The following MYH11 variants were observed in gnomAD, a reference collection of about 807,000 sequenced individuals.
MYH11 encodes the protein myosin heavy chain 11.
MYH11 carries 80 observed loss-of-function variants against 246.6 expected under a neutral mutation model. The observed-to-expected ratio is 0.32, with a 90% CI of 0.27 to 0.39. The LOEUF is 0.39. MYH11 is among the 10% of genes least tolerant of loss of function. The pLI, the probability that MYH11 is intolerant of heterozygous loss-of-function variation, is 1.00. For synonymous variants in MYH11, 1,071 were observed against 1,015.5 expected (o/e 1.05, Z -1.04); for missense variants, 2,158 against 2,546.8 (o/e 0.85, Z 3.29).
intron 27 of MYH11, among the ~76,000 whole-genome samples, chr16:15,728,073 G>T (rs181887030): frequency 1.3e-5 from 2 of 152,210 alleles, no homozygotes; most frequent in Admixed American, 1.3e-4. Flanking sequence ...TACTAAAAAT[G>T]GAAAAATTAG....
At chr16:15,803,424 G>A (rs529411787) in intron 3 of MYH11, among the ~76,000 whole-genome samples, 8 of 151,736 alleles carry the variant, frequency 5.3e-5, no homozygotes, top group East Asian at 2.0e-4. Flanking sequence ...CTACAGGTGC[G>A]TGCCACCACG....
chr16:15,711,229 G>C (rs2039775193), intron 40 of MYH11: 1 of 152,216 alleles, frequency 6.6e-6, no homozygotes, highest in South Asian at 2.1e-4. Flanking sequence ...CCAAACTCTA[G>C]AGGTGATTTC....
intron 3 of MYH11, among the ~76,000 whole-genome samples, chr16:15,820,389 G>A (rs558406111): frequency 9.9e-5 from 15 of 151,236 alleles, no homozygotes; most frequent in African/African-American, 3.4e-4. Flanking sequence ...CAGTAGAATC[G>A]CTTGAACCCA....
chr16:15,803,406 AG>A (rs2042934888), intron 3 of MYH11, among the ~76,000 whole-genome samples: 1 of 151,492 alleles, frequency 6.6e-6, no homozygotes, highest in Admixed American at 6.6e-5. Flanking sequence ...CCCCCCGAGT[AG>A]CTGGGACTAC....
At chr16:15,846,332 T>C (rs139696361) in intron 1 of MYH11, among the ~76,000 whole-genome samples, 2 of 152,238 alleles carry the variant, frequency 1.3e-5, no homozygotes, top group African/African-American at 4.8e-5. Context: ...AACACATCCT[T>C]GAGCAAAAGA....
intron 13 of MYH11, among the ~76,000 whole-genome samples, chr16:15,757,500 C>T (rs2041755201): frequency 1.2e-5 from 1 of 86,744 alleles, no homozygotes; most frequent in Non-Finnish European, 2.0e-5. Flanking sequence ...CAGAGTCAGA[C>T]CATGTCATAA....
At chr16:15,759,952 C>A (rs190859627) in intron 11 of MYH11, among the ~76,000 whole-genome samples, 1 of 152,240 alleles carries the variant, frequency 6.6e-6, no homozygotes, top group Non-Finnish European at 1.5e-5. Flanking sequence ...CAAAAATTAG[C>A]CAGGCGTTGT....
intron 5 of MYH11, chr16:15,785,006 TG>T: frequency 6.6e-6 from 2 of 303,590 alleles, no homozygotes; most frequent in East Asian, 5.5e-5. Context: ...CTAATTCTCT[TG>T]ATTTTTTTTT....
intron 4 of MYH11, among the ~76,000 whole-genome samples, chr16:15,796,095 T>C (rs1035658680): frequency 6.6e-6 from 1 of 152,142 alleles, no homozygotes; most frequent in African/African-American, 2.4e-5. Context: ...GACGGGACCC[T>C]GAACTAGGAA....
intron 40 of MYH11, among the ~76,000 whole-genome samples, chr16:15,707,332 C>T (rs191830391): frequency 1.3e-5 from 2 of 152,250 alleles, no homozygotes; most frequent in Admixed American, 1.3e-4. Context: ...CCTGGCCTAG[C>T]ATTTGGATTC....
chr16:15,747,324 A>G (rs932736416), intron 19 of MYH11, among the ~76,000 whole-genome samples: 14 of 152,152 alleles, frequency 9.2e-5, no homozygotes, highest in Admixed American at 4.6e-4. Context: ...AACTTGCCCA[A>G]GGTTCATCAG....
rs565008343 is a variant in MYH11 at position 15,716,755 on chromosome 16, C to A, written c.5504+385G>T. Reference sequence around the variant, plus strand: ...TCTCAAACTCCTGACCTCAAGTGATCCACCTGCCTCAGCCTCCCAAATTGC... The same window carrying A: ...TCTCAAACTCCTGACCTCAAGTGATACACCTGCCTCAGCCTCCCAAATTGC... On this transcript the variant is annotated intron_variant, in intron 38 of 40. Coordinates refer to ENST00000300036, the MANE Select transcript of MYH11 (RefSeq NM_002474.3). Among the ~76,000 whole-genome samples, 220 of 152,308 alleles carry A rather than the reference C, an allele frequency of 1.4e-3. 2 individuals are homozygous for A. Among genetic ancestry groups the A allele is most frequent in the Admixed American group, 5.0e-3 (77 of 15,300 alleles).
At position 15,834,716 on chromosome 16, in the gene MYH11, G is replaced by A. The variant is rs1336100661; in HGVS notation, c.345+3192C>T. On this transcript the variant is annotated intron_variant, in intron 2 of 40. Coordinates refer to ENST00000300036, the MANE Select transcript of MYH11 (RefSeq NM_002474.3). The stretch of plus-strand genomic sequence containing the variant: ...AAGGGGCAAACATTTTTAACTCAGG[G>A]GATGCTGTGTTAAATAAAATACAAT... Among the ~76,000 whole-genome samples, 4 of 152,104 alleles carry A rather than the reference G, an allele frequency of 2.6e-5. No homozygotes were observed. The East Asian group carries it at 7.7e-4, about 29-fold the overall frequency.
In MYH11 at chr16:15,737,510, T is replaced by C; in HGVS notation, c.3232A>G (p.Ile1078Val). The part of the protein sequence containing the change: ...HEQIADLQAQ[I>V]AELKMQLAKK... The stretch of plus-strand genomic sequence containing the variant: ...GCCAGCTGCATCTTGAGCTCTGCGA[T>C]CTGCGCCTGGAGGTCAGCGATCTGC... Residue 1078 changes from isoleucine (I) to valine (V), a missense_variant, in exon 25 of 41, where the codon ATC becomes GTC. Ile to Val is a conservative substitution (Grantham distance 29). This residue lies in a region of MYH11 where 284 missense variants were observed against 315.4 expected (regional missense o/e 0.90). Coordinates refer to ENST00000300036, the MANE Select transcript of MYH11 (RefSeq NM_002474.3). 6.2e-7 allele frequency: 1 copy of C among 1,614,020 alleles called. No homozygotes were observed. Among genetic ancestry groups the C allele is most frequent in the Non-Finnish European group, 8.5e-7 (1 of 1,180,034 alleles).
At chr16:15,802,087 A>G (rs541801313) in intron 3 of MYH11, among the ~76,000 whole-genome samples, 1 of 152,354 alleles carries the variant, frequency 6.6e-6, no homozygotes, top group Admixed American at 6.5e-5. Flanking sequence ...GAACACATAC[A>G]ATCTTTTCCT....
intron 1 of MYH11, among the ~76,000 whole-genome samples, chr16:15,848,603 G>A (rs1009480503): frequency 1.3e-5 from 2 of 152,088 alleles, no homozygotes; most frequent in Admixed American, 6.6e-5. Context: ...CGTGCATTGT[G>A]GGATGTTCCG....
chr16:15,778,905 G>C, intron 6 of MYH11, 62 bp from the exon 7 acceptor site: 1 of 1,518,830 alleles, frequency 6.6e-7, no homozygotes, highest in Non-Finnish European at 9.1e-7. Flanking sequence ...ACCCCATGCT[G>C]TGGGCAAGCA....
chr16:15,770,808 C>T (rs962181422), intron 9 of MYH11, among the ~76,000 whole-genome samples: 2 of 152,046 alleles, frequency 1.3e-5, no homozygotes, highest in South Asian at 2.1e-4. Flanking sequence ...GAACTTAAGC[C>T]GGGAATCTAC....
intron 25 of MYH11, 80 bp from the exon 26 acceptor site, chr16:15,735,658 G>C (rs932490490): frequency 7.3e-7 from 1 of 1,378,700 alleles, no homozygotes; most frequent in African/African-American, 1.4e-5. Flanking sequence ...AACTTTTCTG[G>C]GACCAGACAG....
Sources: gnomAD v4.1 joint callset for allele counts (sites outside exome capture counted in the v4.1 genomes callset) on GRCh38, gnomAD v4.1.1 for gene constraint, gnomAD v4.1.1 regional missense constraint, MANE v1.5 for transcripts, NCBI Gene and HGNC (gene_info 2026-07-23, HGNC 2026-07-21) for gene names.